CLASP1: variants seen among roughly 807,000 people sequenced by gnomAD.
The protein encoded by CLASP1 is cytoplasmic linker associated protein 1.
In CLASP1, 38 loss-of-function variants were observed where a neutral mutation model predicts 192.3. The ratio of observed to expected loss-of-function variants is 0.20; its 90% confidence interval spans 0.15 to 0.26. CLASP1 has a LOEUF of 0.26. CLASP1 is among the 10% of genes least tolerant of loss of function. The pLI, the probability that CLASP1 is intolerant of heterozygous loss-of-function variation, is 1.00. For missense variants in CLASP1, 1,433 were observed against 1,932.5 expected (o/e 0.74, Z 4.85); for synonymous variants, 691 against 712.8 (o/e 0.97, Z 0.49).
At chr2:121,489,478 G>A (rs910669669) in intron 8 of CLASP1, among the ~76,000 whole-genome samples, 4 of 152,158 alleles carry the variant, frequency 2.6e-5, no homozygotes, top group African/African-American at 9.7e-5. Flanking sequence ...TTTACTCTGT[G>A]CAATACCTGT....
rs1355436293 is a variant in CLASP1, at chr2:121,365,152, C to T, written c.4019G>A (p.Trp1340Ter). The T allele has an allele frequency of 6.2e-7, 1 of 1,613,830 alleles. No individual in the cohort carries two copies. The highest frequency in any genetic ancestry group is 8.5e-7 in the Non-Finnish European group (1 of 1,179,880). The stretch of plus-strand genomic sequence containing the variant: ...CAGAATGGTCTTGAAGTGCTCCTCC[C>T]AGACACCAAGGCTGTCTTCCCGCGT... The change falls in exon 36 of 40, where the codon TGG becomes TAG. Residue 1340 changes from tryptophan to a stop codon, truncating the protein, a stop_gained. Coordinates refer to ENST00000263710, the Ensembl canonical transcript of CLASP1. LOFTEE classifies it high-confidence loss of function.
chr2:121,413,936 GT>G (rs2078142818), intron 23 of CLASP1, among the ~76,000 whole-genome samples: 1 of 152,122 alleles, frequency 6.6e-6, no homozygotes, highest in Non-Finnish European at 1.5e-5. Context: ...GAGAAACGAT[GT>G]TGTCAAACAG....
intron 2 of CLASP1, chr2:121,531,041 AACAGCAGTAATTCGT>A: frequency 1.4e-6 from 1 of 699,166 alleles, no homozygotes; most frequent in African/African-American, 1.7e-5. Context: ...TATCAGTTCA[AACAGCAGTAATTCGT>A]AAATAAACTA....
intron 2 of CLASP1, among the ~76,000 whole-genome samples, chr2:121,577,634 G>A (rs1360511267): frequency 3.3e-5 from 5 of 152,164 alleles, no homozygotes; most frequent in African/African-American, 7.2e-5. Flanking sequence ...ACTGACCCAC[G>A]TAATTCTTTG....
At chr2:121,389,081 C>T (rs1009866039) in intron 30 of CLASP1, among the ~76,000 whole-genome samples, 1 of 151,976 alleles carries the variant, frequency 6.6e-6, no homozygotes, top group Non-Finnish European at 1.5e-5. Flanking sequence ...AATCCAAAAA[C>T]CCAAAGGTAT....
In CLASP1 at chr2:121,498,201, CT is replaced by C. The variant is rs70954551; in HGVS notation, c.712+4965del. On this transcript the variant is annotated intron_variant, in intron 8 of 39. Transcript: ENST00000263710. ...ACTGTGGTAAAATAGGTAATAGTTT[CT>C]TTTTTTTTTTTTTTTTTCTGAGACG... is the stretch of plus-strand genomic sequence containing the variant. Among the ~76,000 whole-genome samples the C allele has an allele frequency of 9.6e-3, 1,138 of 119,084 alleles. 5 individuals are homozygous for C. Among genetic ancestry groups the C allele is most frequent in the Non-Finnish European group, 0.014 (847 of 59,906 alleles). The allele number at this position is 119,084 out of a possible 152,430, so 78.1% of individuals were successfully genotyped here.
chr2:121,585,517 A>ATTTTTGGATATATCC (rs2061618528), intron 2 of CLASP1, among the ~76,000 whole-genome samples: 1 of 152,204 alleles, frequency 6.6e-6, no homozygotes, highest in South Asian at 2.1e-4. Context: ...CCCCTGCCCT[A>ATTTTTGGATATATCC]AACAGGGTAT....
chr2:121,624,795 A>T (rs759259314), intron 1 of CLASP1, among the ~76,000 whole-genome samples: 2 of 152,170 alleles, frequency 1.3e-5, no homozygotes, highest in Non-Finnish European at 2.9e-5. Context: ...CTATTTTAAA[A>T]CGTACAATTA....
chr2:121,470,021 A>G (rs181099956), intron 8 of CLASP1, 61 bp from the exon 9 acceptor site: 744 of 1,286,522 alleles, frequency 5.8e-4, no homozygotes, highest in Non-Finnish European at 7.3e-4. Flanking sequence ...ATACATATAT[A>G]TATACTTTTT....
chr2:121,490,731 G>T (rs935456255), intron 8 of CLASP1, among the ~76,000 whole-genome samples: 1 of 152,164 alleles, frequency 6.6e-6, no homozygotes, highest in Non-Finnish European at 1.5e-5. Context: ...GCTATTTTAG[G>T]TGGGCTTCTT....
chr2:121,600,923 T>C (rs901185631), intron 2 of CLASP1, among the ~76,000 whole-genome samples: 1 of 152,172 alleles, frequency 6.6e-6, no homozygotes, highest in African/African-American at 2.4e-5. Context: ...TTTCCAGTGG[T>C]GCTGGGATGG....
exon 17 of CLASP1, chr2:121,449,094 A>G: frequency 6.2e-7 from 1 of 1,613,946 alleles, no homozygotes; most frequent in Non-Finnish European, 8.5e-7. Flanking sequence ...TTCTCTGCTG[A>G]AGTGACTGTG....
At chr2:121,626,345 C>A (rs1346905000) in intron 1 of CLASP1, among the ~76,000 whole-genome samples, 4 of 152,026 alleles carry the variant, frequency 2.6e-5, no homozygotes. Flanking sequence ...ATTAATACAC[C>A]AATAGTTTTA....
chr2:121,436,910 C>T (rs1340791427), intron 19 of CLASP1, among the ~76,000 whole-genome samples: 2 of 152,222 alleles, frequency 1.3e-5, no homozygotes, highest in African/African-American at 2.4e-5. Context: ...TTTCTTAATT[C>T]ATGAGTTCTC....
chr2:121,644,168 A>C (rs974990675), intron 1 of CLASP1, among the ~76,000 whole-genome samples: 1 of 152,186 alleles, frequency 6.6e-6, no homozygotes, highest in African/African-American at 2.4e-5. Context: ...ACAGATGAAG[A>C]CACTAAAATA....
chr2:121,374,193 T>C (rs1001645741), intron 34 of CLASP1, among the ~76,000 whole-genome samples: 1 of 152,210 alleles, frequency 6.6e-6, no homozygotes, highest in Non-Finnish European at 1.5e-5. Context: ...CAGCTATGGC[T>C]AAAAGGGGCC....
intron 30 of CLASP1, among the ~76,000 whole-genome samples, chr2:121,396,404 G>A (rs548015283): frequency 3.9e-5 from 6 of 152,168 alleles, no homozygotes; most frequent in Admixed American, 6.5e-5. Flanking sequence ...TATATCCAAC[G>A]TTCTATTTAT....
chr2:121,605,934 C>T (rs368847003), exon 2 of CLASP1: 93 of 1,585,084 alleles, frequency 5.9e-5, no homozygotes, highest in Non-Finnish European at 7.7e-5. Context: ...AGCTAGAGGG[C>T]AGTCACGATG....
chr2:121,523,874 C>T (rs59810474), intron 6 of CLASP1, among the ~76,000 whole-genome samples: 5,741 of 152,156 alleles, frequency 0.038, 241 homozygotes, highest in South Asian at 0.11. Context: ...CATGAGCTCT[C>T]GCTAAATATA....
Sources: gnomAD v4.1 joint callset for allele counts (sites outside exome capture counted in the v4.1 genomes callset) on GRCh38, gnomAD v4.1.1 for gene constraint, MANE v1.5 for transcripts, NCBI Gene and HGNC (gene_info 2026-07-23, HGNC 2026-07-21) for gene names.